The following MYB variants were observed in gnomAD, a reference collection of about 807,000 sequenced individuals.
MYB encodes the protein MYB proto-oncogene, transcription factor, also known as transcriptional activator Myb.
MYB carries 28 observed loss-of-function variants against 92.9 expected under a neutral mutation model. The observed-to-expected ratio is 0.30, with a 90% CI of 0.22 to 0.41. The LOEUF (loss-of-function observed/expected upper bound fraction) is 0.41, where lower values mean the gene tolerates loss of function less well. Ranked by LOEUF, MYB falls within the 10% of genes least tolerant of loss-of-function variation. The pLI is 1.00. For missense variants in MYB, 679 were observed against 929.3 expected (o/e 0.73, Z 3.50); for synonymous variants, 295 against 329.1 (o/e 0.90, Z 1.12).
At position 135,204,737 on chromosome 6, in the gene MYB, G is replaced by T. The variant is rs369797520; in HGVS notation, c.2169+1413G>T. The stretch of plus-strand genomic sequence containing the variant: ...TGTGGACTGGAATGTGAGACAGGGA[G>T]TCAGTATTTATGGGGAATCTGGACA... On this transcript the variant is annotated intron_variant, in intron 15 of 15. Transcript: ENST00000341911. Among the ~76,000 whole-genome samples, 15 of 152,370 alleles carry T rather than the reference G, an allele frequency of 9.8e-5. No individual in the cohort carries two copies. In the East Asian group the frequency reaches 1.2e-3, roughly 12 times the overall value.
At chr6:135,217,817 T>C (rs764144287) in intron 15 of MYB, 47 bp from the exon 16 acceptor site, 64 of 1,341,012 alleles carry the variant, frequency 4.8e-5, no homozygotes, top group Non-Finnish European at 6.8e-5. Context: ...GTCTATAGAA[T>C]GAGCTTCTTT....
intron 8 of MYB, chr6:135,195,350 G>GTCGC: frequency 5.9e-6 from 1 of 169,286 alleles, no homozygotes. Context: ...TCTAACTCCT[G>GTCGC]AGTCCTCTAG....
At position 135,200,076 on chromosome 6, in the gene MYB, T is replaced by C; in HGVS notation, c.1710-9T>C. On this transcript the variant is annotated splice_polypyrimidine_tract_variant and intron_variant, in intron 11 of 15. Transcript: ENST00000341911. ...TTGTATTGAGCCACTGCTTGTTTTC[T>C]TTTTAAAGTTTTAGAACCCCAGCTA... 1 of 1,606,188 alleles carries C rather than the reference T, an allele frequency of 6.2e-7. No individual in the cohort carries two copies. The highest frequency in any genetic ancestry group is 8.5e-7 in the Non-Finnish European group (1 of 1,172,826).
At chr6:135,217,113 A>C (rs368971501) in intron 15 of MYB, among the ~76,000 whole-genome samples, 6 of 152,246 alleles carry the variant, frequency 3.9e-5, no homozygotes, top group African/African-American at 1.4e-4. Context: ...TCATGCCTGT[A>C]ATCTCAGCAC....
At chr6:135,209,261 T>G (rs765530580) in intron 15 of MYB, among the ~76,000 whole-genome samples, 13 of 152,026 alleles carry the variant, frequency 8.6e-5, no homozygotes, top group Non-Finnish European at 1.6e-4. Flanking sequence ...TGAGACAGAG[T>G]CTCACTCTGT....
chr6:135,183,099 C>G (rs1201631038), intron 1 of MYB, among the ~76,000 whole-genome samples: 1 of 149,786 alleles, frequency 6.7e-6, no homozygotes, highest in Admixed American at 6.6e-5. Flanking sequence ...GCAGCGGCTC[C>G]GCGCCCCGAG....
intron 15 of MYB, among the ~76,000 whole-genome samples, chr6:135,206,228 T>G (rs210951): frequency 9.8e-6 from 1 of 101,816 alleles, no homozygotes; most frequent in Non-Finnish European, 2.0e-5. Flanking sequence ...AAAAAAAAAA[T>G]AATAATAATA....
chr6:135,194,654 T>C (rs1250525062), intron 8 of MYB, 194 bp downstream of exon 8: 1 of 576,848 alleles, frequency 1.7e-6, no homozygotes, highest in Non-Finnish European at 3.0e-6. Flanking sequence ...AGCAGTCTTT[T>C]TGTAATTGCA....
Position 135,200,344 on chromosome 6 carries a change from T to C in MYB, c.1879T>C (p.Ser627Pro). 6.2e-7 allele frequency: 1 copy of C among 1,614,154 alleles called. No individual in the cohort carries two copies. Reference protein sequence around the residue: ...EDLQDVIKQESDESGIVAEFQ... With the variant: ...EDLQDVIKQEPDESGIVAEFQ... ...TCTGCAGGATGTGATCAAACAGGAA[T>C]CTGATGAATCTGGAATTGTTGCTGA... The change falls in exon 13 of 16, where the codon TCT becomes CCT. Residue 627 changes from serine (S) to proline (P), a missense_variant. Physicochemically the swap from Ser to Pro is moderately conservative, Grantham distance 74 (BLOSUM62 -1). Around this residue, in one of 8 missense-constraint regions of MYB, gnomAD observed 402 missense variants for 434.2 expected, o/e 0.93. Transcript: ENST00000341911.
intron 14 of MYB, chr6:135,202,911 A>G (rs953957424): frequency 1.7e-5 from 10 of 588,134 alleles, no homozygotes; most frequent in Non-Finnish European, 3.2e-5. Flanking sequence ...TAAATCTTCT[A>G]TTTTGAAAGG....
chr6:135,186,040 A>AGACG lies in MYB; in HGVS notation c.141+21_141+24dup, dbSNP rs112140716. 45 of 1,596,070 alleles carry AGACG rather than the reference A, an allele frequency of 2.8e-5. 1 individual carries two copies. In the African/African-American group the frequency reaches 3.2e-4, roughly 11 times the overall value. Reference sequence around the variant, plus strand: ...GAAGAGGTAACTAATCATTTTATCAAGACGCAGAAAATAGATAGAGTGTAT... The same window carrying AGACG: ...GAAGAGGTAACTAATCATTTTATCAAGACGGACGCAGAAAATAGATAGAGTGTAT... On this transcript the variant is annotated intron_variant, in intron 2 of 15. Coordinates refer to ENST00000341911, the MANE Select transcript of MYB (RefSeq NM_001130173.2).
intron 15 of MYB, among the ~76,000 whole-genome samples, chr6:135,214,622 CCCT>C: frequency 6.6e-6 from 1 of 152,366 alleles, no homozygotes; most frequent in Admixed American, 6.5e-5. Flanking sequence ...TTGCCATAAG[CCCT>C]GCATCGTACT....
intron 5 of MYB, among the ~76,000 whole-genome samples, chr6:135,191,645 A>G (rs1378597453): frequency 6.6e-6 from 1 of 152,210 alleles, no homozygotes; most frequent in Non-Finnish European, 1.5e-5. Flanking sequence ...AGGGAGACTT[A>G]AACGGTTTTT....
chr6:135,192,909 A>G (rs1184512357), intron 6 of MYB, among the ~76,000 whole-genome samples: 1 of 152,228 alleles, frequency 6.6e-6, no homozygotes, highest in Non-Finnish European at 1.5e-5. Flanking sequence ...AGGGGAATGG[A>G]GTCGCATTTG....
chr6:135,195,618 A>C (rs1777192192), intron 8 of MYB, 130 bp from the exon 9 acceptor site: 2 of 1,002,626 alleles, frequency 2.0e-6, no homozygotes, highest in Non-Finnish European at 3.0e-6. Flanking sequence ...CATAGGCGTA[A>C]GTTTGGGATG....
intron 15 of MYB, among the ~76,000 whole-genome samples, chr6:135,217,241 T>A (rs1422820139): frequency 1.3e-5 from 2 of 152,004 alleles, no homozygotes; most frequent in African/African-American, 4.8e-5. Flanking sequence ...TGGTGGCACG[T>A]GCCTGTAGTC....
At chr6:135,205,116 C>G (rs763731042) in intron 15 of MYB, among the ~76,000 whole-genome samples, 14 of 151,964 alleles carry the variant, frequency 9.2e-5, no homozygotes, top group Non-Finnish European at 1.6e-4. Context: ...AGAATGAACT[C>G]CACCCAGACA....
At chr6:135,199,525 G>A in intron 11 of MYB, 1 of 1,057,712 alleles carries the variant, frequency 9.5e-7, no homozygotes, top group Non-Finnish European at 1.2e-6. Context: ...TTTATGTGTA[G>A]ATAGGACCTC....
chr6:135,198,252 G>C (rs1230135907), intron 10 of MYB, among the ~76,000 whole-genome samples: 1 of 152,184 alleles, frequency 6.6e-6, no homozygotes, highest in Non-Finnish European at 1.5e-5. Flanking sequence ...GTTCAGCCTG[G>C]TGAACATAGC....
Sources: gnomAD v4.1 joint callset for allele counts (sites outside exome capture counted in the v4.1 genomes callset) on GRCh38, gnomAD v4.1.1 for gene constraint, gnomAD v4.1.1 regional missense constraint, MANE v1.5 for transcripts, NCBI Gene and HGNC (gene_info 2026-07-23, HGNC 2026-07-21) for gene names.